Variants in SGSM1 observed in about 807,000 individuals in gnomAD.
SGSM1 encodes RUN and TBC1 domain containing 2.
A neutral mutation model predicts 133.8 loss-of-function variants in SGSM1; 73 were observed. The ratio of observed to expected loss-of-function variants is 0.55; its 90% CI spans 0.45 to 0.66. The LOEUF (loss-of-function observed/expected upper bound fraction) is 0.66. Ranked by LOEUF, SGSM1 falls within the 30% of genes least tolerant of loss-of-function variation. The pLI is 0.00. For synonymous variants in SGSM1, 563 were observed against 573.0 expected, an observed-to-expected ratio of 0.98 and a Z score of 0.25; for missense variants, 1,213 against 1,448.1, an observed-to-expected ratio of 0.84 and a Z score of 2.64.
intron 13 of SGSM1, 105 bp from the exon 14 acceptor site, chr22:24,879,357 C>G: frequency 9.6e-7 from 1 of 1,036,816 alleles, no homozygotes; most frequent in Non-Finnish European, 1.4e-6. Flanking sequence ...CCCTGACTGG[C>G]TGATATTAAT....
chr22:24,827,928 T>C (rs1391477734), intron 2 of SGSM1, among the ~76,000 whole-genome samples: 3 of 151,880 alleles, frequency 2.0e-5, no homozygotes, highest in Admixed American at 6.6e-5. Context: ...CTCCCCATCA[T>C]TGGAGGAATG....
chr22:24,845,945 C>CTTTTCT (rs139930200), intron 3 of SGSM1, among the ~76,000 whole-genome samples: 425 of 32,504 alleles, frequency 0.013, no homozygotes, highest in South Asian at 0.033. Context: ...CTTTTCTTTT[C>CTTTTCT]TTTCTTTCTT....
intron 12 of SGSM1, among the ~76,000 whole-genome samples, chr22:24,873,828 G>A (rs894443743): frequency 1.2e-4 from 19 of 152,144 alleles, no homozygotes; most frequent in African/African-American, 4.6e-4. Flanking sequence ...ACATCAGCCT[G>A]GATGACAAAA....
At chr22:24,855,941 C>T (rs540699642) in intron 8 of SGSM1, 2 of 649,192 alleles carry the variant, frequency 3.1e-6, no homozygotes, top group Admixed American at 2.1e-5. Context: ...ATCTTTACAT[C>T]CATCTATCCA....
At chr22:24,860,490 T>A (rs1931059702) in intron 9 of SGSM1, among the ~76,000 whole-genome samples, 1 of 152,134 alleles carries the variant, frequency 6.6e-6, no homozygotes, top group Non-Finnish European at 1.5e-5. Context: ...TTATTTTACA[T>A]TTTATTGCTT....
At chr22:24,822,065 A>G (rs547351730) in intron 2 of SGSM1, among the ~76,000 whole-genome samples, 90 of 147,448 alleles carry the variant, frequency 6.1e-4, no homozygotes, top group African/African-American at 2.2e-3. Flanking sequence ...CAAACCTCCC[A>G]TGCTCTACCT....
At chr22:24,877,600 G>C (rs1932086073) in intron 13 of SGSM1, among the ~76,000 whole-genome samples, 1 of 151,918 alleles carries the variant, frequency 6.6e-6, no homozygotes, top group Non-Finnish European at 1.5e-5. Context: ...TATAAGGGGT[G>C]GGGGCTGGCA....
At chr22:24,812,619 T>TTTGAAC (rs1927818112) in intron 2 of SGSM1, among the ~76,000 whole-genome samples, 1 of 152,140 alleles carries the variant, frequency 6.6e-6, no homozygotes, top group African/African-American at 2.4e-5. Context: ...GGCTGTGCCA[T>TTTGAAC]TTGAACTTCC....
In SGSM1 at chr22:24,925,745, G is replaced by A. The variant is rs1934178386; in HGVS notation, c.*1471G>A. 1 of 152,288 alleles carries A rather than the reference G, an allele frequency of 6.6e-6. No individual in the cohort carries two copies. Among genetic ancestry groups the A allele is most frequent in the African/African-American group, 2.4e-5 (1 of 41,440 alleles). 9.4% of individuals were successfully genotyped at this position (152,288 alleles called of 1,614,324 possible). On this transcript the variant is annotated 3_prime_UTR_variant, in exon 25 of 25. Coordinates refer to ENST00000400358, the MANE Select transcript of SGSM1 (RefSeq NM_001098497.3). ...CTCAGGACAAAGGAGGAAAAGGAAG[G>A]CAGAGGTCAGCCAGGGTAGAGGGTG...
In SGSM1 at chr22:24,927,047, A is replaced by C. The variant is rs1252460021; in HGVS notation, c.*2773A>C. ...CTTACCACAAGTAATGCTGCATTAC[A>C]AATGACCCAAAAAGTAGTGGTTTAA... On this transcript the variant is annotated 3_prime_UTR_variant, in exon 25 of 25. Transcript: ENST00000400358. The C allele has an allele frequency of 6.6e-6, 1 of 152,172 alleles. No individual in the cohort carries two copies. Among genetic ancestry groups the C allele is most frequent in the African/African-American group, 2.4e-5 (1 of 41,432 alleles). The allele number at this position is 152,172 out of a possible 1,614,324, so 9.4% of individuals were successfully genotyped here. A position where few individuals can be genotyped will look rare whatever the true frequency, so the allele number is the denominator to read the frequency against.
At position 24,825,619 on chromosome 22, in the gene SGSM1, G is replaced by A. The variant is rs1256465216; in HGVS notation, c.63+19135G>A. Among the ~76,000 whole-genome samples the A allele has an allele frequency of 2.6e-5, 4 of 151,992 alleles. No individual in the cohort carries two copies. The East Asian group carries it at 5.8e-4, about 22-fold the overall frequency. On this transcript the variant is annotated intron_variant, in intron 2 of 24. Coordinates refer to ENST00000400358, the MANE Select transcript of SGSM1 (RefSeq NM_001098497.3). Reference sequence around the variant, plus strand: ...TAATTTTTGTATTTTTAGTAGAGACGGGGTGTTACCGTATTGGCCAGGCTG... The same window carrying A: ...TAATTTTTGTATTTTTAGTAGAGACAGGGTGTTACCGTATTGGCCAGGCTG...
chr22:24,862,239 C>T (rs981575758), intron 9 of SGSM1, among the ~76,000 whole-genome samples: 7 of 152,130 alleles, frequency 4.6e-5, no homozygotes, highest in East Asian at 1.9e-4. Flanking sequence ...CGTGAGCCAC[C>T]GCACCCGGCC....
At chr22:24,910,990 C>G (rs1933596429) in intron 21 of SGSM1, among the ~76,000 whole-genome samples, 1 of 151,810 alleles carries the variant, frequency 6.6e-6, no homozygotes, top group African/African-American at 2.4e-5. Flanking sequence ...CGTGGTGGCT[C>G]AGCCTGTAAC....
chr22:24,859,929 A>G (rs1931030109), intron 9 of SGSM1, 89 bp downstream of exon 9: 5 of 1,550,662 alleles, frequency 3.2e-6, no homozygotes, highest in East Asian at 4.6e-5. Flanking sequence ...GGAGGTTTGT[A>G]TCCCGCCCCT....
chr22:24,873,816 G>A (rs557025926), intron 12 of SGSM1, among the ~76,000 whole-genome samples: 1 of 151,902 alleles, frequency 6.6e-6, no homozygotes, highest in East Asian at 1.9e-4. Context: ...TTGTGCCACT[G>A]TACATCAGCC....
At chr22:24,835,538 G>T (rs1929375012) in intron 2 of SGSM1, among the ~76,000 whole-genome samples, 1 of 152,140 alleles carries the variant, frequency 6.6e-6, no homozygotes, top group Non-Finnish European at 1.5e-5. Flanking sequence ...AAAAAAGGCA[G>T]AAAAAGGGGT....
chr22:24,878,268 C>G (rs558730864), intron 13 of SGSM1, among the ~76,000 whole-genome samples: 1 of 152,136 alleles, frequency 6.6e-6, no homozygotes, highest in Non-Finnish European at 1.5e-5. Context: ...GCTGATGGTC[C>G]GTGGACCAGT....
rs116731004 is a variant in SGSM1, at chr22:24,827,178, G to T, written c.64-17719G>T. 4.5e-3 allele frequency among the ~76,000 whole-genome samples: 682 copies of T among 152,212 alleles called. 3 individuals carry two copies. Among genetic ancestry groups the T allele is most frequent in the African/African-American group, 0.016 (651 of 41,516 alleles). The stretch of plus-strand genomic sequence containing the variant: ...AGCAAGTTAATGTGGAACCTGGCAG[G>T]ACTCAAGGTGGGCAGCGGAGGGTAC... On this transcript the variant is annotated intron_variant, in intron 2 of 24. Coordinates refer to ENST00000400358, the MANE Select transcript of SGSM1 (RefSeq NM_001098497.3).
At chr22:24,895,165 C>G (rs1186113872) in intron 17 of SGSM1, 58 bp from the exon 18 acceptor site, 8 of 1,537,296 alleles carry the variant, frequency 5.2e-6, no homozygotes. Flanking sequence ...GCAGTCCTTC[C>G]TGCTCTGGGC....
Sources: gnomAD v4.1 joint callset for allele counts (sites outside exome capture counted in the v4.1 genomes callset) on GRCh38, gnomAD v4.1.1 for gene constraint, MANE v1.5 for transcripts, NCBI Gene and HGNC (gene_info 2026-07-23, HGNC 2026-07-21) for gene names.